Variants in EYS observed in about 807,000 individuals in gnomAD.
EYS encodes EGF-like photoreceptor maintenance factor.
Under a neutral mutation model 282.1 loss-of-function variants are expected in EYS, and 250 were observed. That is an observed-to-expected ratio of 0.89 (90% CI 0.80 to 0.98). The LOEUF (loss-of-function observed/expected upper bound fraction) is 0.98, where lower values mean the gene tolerates loss of function less well. EYS is among the 50% of genes least tolerant of loss of function. EYS has a pLI of 0.00. For missense variants in EYS, 4,016 were observed against 3,709.0 expected (o/e 1.08, Z -2.15); for synonymous variants, 1,355 against 1,282.9 (o/e 1.06, Z -1.20).
chr6:64,558,276 AC>A (rs1765293013), intron 26 of EYS, among the ~76,000 whole-genome samples: 1 of 152,110 alleles, frequency 6.6e-6, no homozygotes, highest in South Asian at 2.1e-4. Context: ...ATACTCTTAT[AC>A]TTTTGCTGTA....
At chr6:64,019,251 C>T (rs984023104) in intron 33 of EYS, among the ~76,000 whole-genome samples, 2 of 152,184 alleles carry the variant, frequency 1.3e-5, no homozygotes, top group South Asian at 4.1e-4. Context: ...TCCCTCAGGA[C>T]TTCTGGAGAG....
chr6:64,873,344 C>A (rs1047017176), intron 19 of EYS, among the ~76,000 whole-genome samples: 6 of 152,024 alleles, frequency 3.9e-5, no homozygotes, highest in African/African-American at 1.4e-4. Flanking sequence ...CCTCCCACAA[C>A]ATATGGGAAT....
In EYS at chr6:64,591,142, C is replaced by T. The variant is rs1467576430; in HGVS notation, c.4725G>A (p.Leu1575=). ...CATAAAAGTGGGACTGTTTGCTATG[C>T]AAAACTTGATCTGAGAATTCACGAG... The part of the protein sequence containing the change: ...KSSREFSDQV[L]HSKQSHFYET... The change falls in exon 26 of 43, where the codon TTG becomes TTA. Residue 1575 remains leucine (L), a synonymous_variant. Coordinates refer to ENST00000503581, the MANE Select transcript of EYS (RefSeq NM_001142800.2). The T allele has an allele frequency of 4.5e-6, 7 of 1,551,256 alleles. No individual in the cohort carries two copies. Among genetic ancestry groups the T allele is most frequent in the Middle Eastern group, 1.7e-4 (1 of 5,992 alleles).
At chr6:65,321,146 C>CTTT (rs67687880) in intron 11 of EYS, among the ~76,000 whole-genome samples, 2 of 133,494 alleles carry the variant, frequency 1.5e-5, no homozygotes, top group African/African-American at 2.8e-5. Flanking sequence ...GTATGAAAGC[C>CTTT]TTTTTTTTTT....
chr6:64,567,340 C>A (rs1398894464), intron 26 of EYS, among the ~76,000 whole-genome samples: 2 of 152,034 alleles, frequency 1.3e-5, no homozygotes, highest in Non-Finnish European at 2.9e-5. Flanking sequence ...AAATTTAATT[C>A]TCTATATTGA....
chr6:64,321,654 A>G (rs554218220), intron 29 of EYS, among the ~76,000 whole-genome samples: 1 of 152,016 alleles, frequency 6.6e-6, no homozygotes, highest in East Asian at 1.9e-4. Flanking sequence ...GGGAACTTGG[A>G]AAATAATAGA....
intron 31 of EYS, among the ~76,000 whole-genome samples, chr6:64,142,220 C>A (rs973753894): frequency 6.6e-6 from 1 of 151,698 alleles, no homozygotes; most frequent in Non-Finnish European, 1.5e-5. Flanking sequence ...TGAAGAGTAT[C>A]CAATAATTAA....
rs547413351 is a variant in EYS at position 64,593,399 on chromosome 6, T to G, written c.3685-90A>C. On this transcript the variant is annotated intron_variant, in intron 24 of 42. Transcript: ENST00000503581. ...AGTTTGTTTTGAGATCCATTTGCAT[T>G]TCCATAGACATATTGGATAGCTCAA... 3 of 959,652 alleles carry G rather than the reference T, an allele frequency of 3.1e-6. No homozygotes were observed. The African/African-American group carries it at 5.0e-5, about 16-fold the overall frequency. The allele number at this position is 959,652 out of a possible 1,614,324, so 59.4% of individuals were successfully genotyped here. A position where few individuals can be genotyped will look rare whatever the true frequency, so the allele number is the denominator to read the frequency against.
chr6:63,870,265 CT>C (rs1772769239), intron 35 of EYS, among the ~76,000 whole-genome samples: 3 of 152,188 alleles, frequency 2.0e-5, no homozygotes, highest in Admixed American at 1.3e-4. Context: ...ACCCATTCCC[CT>C]GACCTCAGTA....
intron 31 of EYS, among the ~76,000 whole-genome samples, chr6:64,096,298 G>A (rs1020668398): frequency 3.3e-5 from 5 of 152,294 alleles, no homozygotes; most frequent in South Asian, 2.1e-4. Context: ...ATGTTGGCCT[G>A]CCTTGCTAGA....
intron 26 of EYS, among the ~76,000 whole-genome samples, chr6:64,492,687 C>T (rs368261103): frequency 1.3e-5 from 2 of 151,234 alleles, no homozygotes; most frequent in African/African-American, 2.4e-5. Context: ...GGAGTTACTT[C>T]GGAGATCTAC....
At chr6:65,268,201 G>A (rs2150263699) in intron 12 of EYS, among the ~76,000 whole-genome samples, 1 of 152,084 alleles carries the variant, frequency 6.6e-6, no homozygotes, top group South Asian at 2.1e-4. Flanking sequence ...TTGCAAATAT[G>A]TATGTGAAAT....
At position 65,295,980 on chromosome 6, in the gene EYS, CAT is replaced by C; in HGVS notation, c.1904_1905del (p.Tyr635Ter). 6.4e-7 allele frequency: 1 copy of C among 1,551,236 alleles called. No individual in the cohort carries two copies. The highest frequency in any genetic ancestry group is 8.7e-7 in the Non-Finnish European group (1 of 1,146,570). On this transcript the variant is annotated frameshift_variant, in exon 12 of 43. Coordinates refer to ENST00000503581, the MANE Select transcript of EYS (RefSeq NM_001142800.2). LOFTEE classifies it high-confidence loss of function. ...GTATCTATCTCACAGATGTTCCTTT[CAT>C]ATCTTTGCAGACCGCTACAGTTACA... Reference protein sequence around the residue: ...HNCNCSGLQRYERNICEIDTE... With the variant: ...HNCNCSGLQRXERNICEIDTE...
At chr6:64,723,077 AG>A (rs1771635824) in intron 22 of EYS, among the ~76,000 whole-genome samples, 1 of 89,804 alleles carries the variant, frequency 1.1e-5, no homozygotes, top group African/African-American at 4.2e-5. Flanking sequence ...GGGGAAAGAA[AG>A]GCCCTAAGGA....
At chr6:64,002,267 C>T (rs899119145) in intron 33 of EYS, among the ~76,000 whole-genome samples, 3 of 152,128 alleles carry the variant, frequency 2.0e-5, no homozygotes, top group African/African-American at 4.8e-5. Flanking sequence ...AGCTCCCATC[C>T]GTCTTGCTGA....
intron 22 of EYS, among the ~76,000 whole-genome samples, chr6:64,766,649 A>AAAAAAAAAAAAAAAAT (rs1387919586): frequency 1.0e-4 from 2 of 19,068 alleles, no homozygotes; most frequent in African/African-American, 3.6e-4. Context: ...AAAAAAAAAA[A>AAAAAAAAAAAAAAAAT]ATATATATAT....
At chr6:63,936,645 T>C (rs1399095747) in intron 35 of EYS, among the ~76,000 whole-genome samples, 1 of 152,252 alleles carries the variant, frequency 6.6e-6, no homozygotes, top group Admixed American at 6.5e-5. Flanking sequence ...TTTGTTCTTC[T>C]GTTTATCCAT....
intron 1 of EYS, among the ~76,000 whole-genome samples, chr6:65,676,279 A>C (rs1012639925): frequency 3.3e-5 from 5 of 151,820 alleles, no homozygotes; most frequent in African/African-American, 1.2e-4. Context: ...AAAATCAACA[A>C]AAATAAGAAT....
intron 1 of EYS, among the ~76,000 whole-genome samples, chr6:65,646,417 C>A (rs920499122): frequency 6.6e-6 from 1 of 152,030 alleles, no homozygotes; most frequent in African/African-American, 2.4e-5. Flanking sequence ...GAATTAAAAA[C>A]GAAAGTCACA....
Sources: allele counts gnomAD v4.1 joint callset (sites outside exome capture counted in the v4.1 genomes callset), GRCh38; gene constraint gnomAD v4.1.1; transcripts MANE v1.5; gene names NCBI Gene and HGNC (gene_info 2026-07-23, HGNC 2026-07-21).